The following HAL variants were observed in gnomAD, a reference collection of about 807,000 sequenced individuals.
The protein encoded by HAL is histidase.
HAL carries 85 observed loss-of-function variants against 81.1 expected under a neutral mutation model. The observed-to-expected ratio is 1.05, with a 90% CI of 0.88 to 1.25. HAL has a LOEUF of 1.25. HAL is among the 50% of genes most tolerant of loss of function. The pLI is 0.00. For synonymous variants in HAL, 301 were observed against 309.2 expected, an observed-to-expected ratio of 0.97 and a Z score of 0.28; for missense variants, 798 against 836.6, an observed-to-expected ratio of 0.95 and a Z score of 0.57.
chr12:95,985,392 G>A (rs1218649337), intron 14 of HAL, among the ~76,000 whole-genome samples: 3 of 151,998 alleles, frequency 2.0e-5, no homozygotes, highest in Admixed American at 2.0e-4. Context: ...TCAGGGGTTC[G>A]AGACCAGCTT....
At position 95,986,513 on chromosome 12, in the gene HAL, A is replaced by G. The variant is rs528174706; in HGVS notation, c.1052-353T>C. Among the ~76,000 whole-genome samples the G allele has an allele frequency of 5.3e-5, 8 of 152,294 alleles. No homozygotes were observed. In the East Asian group the frequency reaches 5.8e-4, roughly 11 times the overall value. On this transcript the variant is annotated intron_variant, in intron 12 of 20. Coordinates refer to ENST00000261208, the MANE Select transcript of HAL (RefSeq NM_002108.4). ...TACTTTAAATATCTGAGAGCAAACT[A>G]TATGTTGAGACCACTGGGAATTCCA...
chr12:95,995,751 G>T lies in HAL; in HGVS notation c.160C>A (p.Leu54Ile). Residue 54 changes from leucine to isoleucine, a missense_variant, in exon 2 of 21, where the codon CTT becomes ATT. Physicochemically the swap from Leu to Ile is conservative, Grantham distance 5. Coordinates refer to ENST00000261208, the MANE Select transcript of HAL (RefSeq NM_002108.4). ...CCCAGGCCCTTGCACCGGCGCACAAGGAAGTGCGCGTCATCCACGGAGGTG... is the reference window on the plus strand; with the variant it reads ...CCCAGGCCCTTGCACCGGCGCACAATGAAGTGCGCGTCATCCACGGAGGTG... ...GFTSVDDAHF[L>I]VRRCKGLGLL... 1 of 1,613,614 alleles carries T rather than the reference G, an allele frequency of 6.2e-7. No homozygotes were observed. Among genetic ancestry groups the T allele is most frequent in the Non-Finnish European group, 8.5e-7 (1 of 1,179,902 alleles).
chr12:95,980,625 C>G lies in HAL; in HGVS notation c.1450G>C (p.Ala484Pro). 6.2e-7 allele frequency: 1 copy of G among 1,614,046 alleles called. No individual in the cohort carries two copies. The highest frequency in any genetic ancestry group is 8.5e-7 in the Non-Finnish European group (1 of 1,179,902). ...AGACCACCTTCAGCCACCAGGAAGG[C>G]AGGCAGCTCACTGAGGGAGGGATTG... ...LCNPSLSELP[A>P]FLVAEGGLNS... Residue 484 changes from alanine (A) to proline (P), a missense_variant, in exon 17 of 21, where the codon GCC becomes CCC. By Grantham distance (27) the Ala-to-Pro change is conservative. Transcript: ENST00000261208.
chr12:95,986,960 C>T (rs774000706), intron 12 of HAL, 107 bp downstream of exon 12: 342 of 968,574 alleles, frequency 3.5e-4, no homozygotes, highest in Non-Finnish European at 5.4e-4. Context: ...GGGTTTTCTC[C>T]TTCCCTACTA....
chr12:95,993,890 TA>T, intron 6 of HAL, 35 bp downstream of exon 6: 1 of 1,487,628 alleles, frequency 6.7e-7, no homozygotes, highest in Non-Finnish European at 9.4e-7. Context: ...TTTGTTTGTT[TA>T]TAAAAATATT....
chr12:95,992,069 A>G (rs1275038119), intron 9 of HAL, among the ~76,000 whole-genome samples: 1 of 152,200 alleles, frequency 6.6e-6, no homozygotes, highest in Non-Finnish European at 1.5e-5. Flanking sequence ...AGAAGGGACA[A>G]TACCTCCAAT....
intron 20 of HAL, among the ~76,000 whole-genome samples, chr12:95,974,666 C>T (rs1194473681): frequency 6.6e-6 from 1 of 152,180 alleles, no homozygotes; most frequent in Non-Finnish European, 1.5e-5. Context: ...CCAGAGAATT[C>T]AGTGTGGATA....
At chr12:95,991,653 G>T (rs1320059393) in intron 9 of HAL, among the ~76,000 whole-genome samples, 1 of 152,174 alleles carries the variant, frequency 6.6e-6, no homozygotes, top group African/African-American at 2.4e-5. Flanking sequence ...TGTCAGTCGG[G>T]TATGGCAGTG....
intron 11 of HAL, among the ~76,000 whole-genome samples, chr12:95,987,610 G>A (rs1019445267): frequency 2.0e-5 from 3 of 152,192 alleles, no homozygotes; most frequent in African/African-American, 4.8e-5. Flanking sequence ...AGCATTCTAA[G>A]GAATTTGGGC....
Position 95,976,518 on chromosome 12 carries a change from G to T in HAL, c.1764-20C>A, listed in dbSNP as rs182202910. On this transcript the variant is annotated intron_variant, in intron 19 of 20. Transcript: ENST00000261208. ...CAGGGCCTACAGGGAGAGCACATCC[G>T]CCCATCAGCCAAACATGAAACCCTG... is the stretch of plus-strand genomic sequence containing the variant. 7.4e-5 allele frequency: 120 copies of T among 1,612,254 alleles called. 1 individual carries two copies. In the African/African-American group the frequency reaches 1.5e-3, roughly 20 times the overall value.
In HAL at chr12:95,994,962, G is replaced by A. The variant is rs1229168504; in HGVS notation, c.279C>T (p.Phe93=). The A allele has an allele frequency of 1.9e-6, 3 of 1,612,666 alleles. No individual in the cohort carries two copies. The South Asian group carries it at 3.3e-5, about 18-fold the overall frequency. Residue 93 remains phenylalanine, a synonymous_variant, in exon 3 of 21, where the codon TTC becomes TTT. Transcript: ENST00000261208. ...AAACTCCTTCTGGTTGAGATGGAAT[G>A]AAGTCAGGAGACATGGCATCACCCT... The part of the protein sequence containing the change: ...VIEGDAMSPD[F]IPSQPEGVYL...
chr12:95,994,744 C>G (rs367835887), intron 4 of HAL, 54 bp downstream of exon 4: 16 of 1,566,566 alleles, frequency 1.0e-5, no homozygotes, highest in Non-Finnish European at 1.2e-5. Flanking sequence ...TTTCCTCCCT[C>G]TTAAATAAGG....
Position 95,995,786 on chromosome 12 carries a change from T to C in HAL, c.125A>G (p.Asn42Ser), listed in dbSNP as rs1227690561. 8 of 1,613,480 alleles carry C rather than the reference T, an allele frequency of 5.0e-6. No individual in the cohort carries two copies. Among genetic ancestry groups the C allele is most frequent in the Non-Finnish European group, 6.8e-6 (8 of 1,180,028 alleles). ...VRRYIKNKPD[N>S]GGFTSVDDAH... Reference sequence around the variant, plus strand: ...GTCATCCACGGAGGTGAAGCCACCATTGTCGGGCTTATTCTTGATATAGCG... The same window carrying C: ...GTCATCCACGGAGGTGAAGCCACCACTGTCGGGCTTATTCTTGATATAGCG... The change falls in exon 2 of 21, where the codon AAT becomes AGT. Residue 42 changes from asparagine to serine, a missense_variant. Transcript: ENST00000261208.
At position 95,996,160 on chromosome 12, in the gene HAL, C is replaced by T; in HGVS notation, c.-164G>A. On this transcript the variant is annotated 5_prime_UTR_variant, in exon 1 of 21. Transcript: ENST00000261208. Reference sequence around the variant, plus strand: ...GTGAGCCTCCTGTCCACTTTCCATCCAGACCTGCTGCCAGAAAGGCCTGGG... The same window carrying T: ...GTGAGCCTCCTGTCCACTTTCCATCTAGACCTGCTGCCAGAAAGGCCTGGG... The T allele has an allele frequency of 2.0e-6, 1 of 510,176 alleles. No homozygotes were observed. Among genetic ancestry groups the T allele is most frequent in the Non-Finnish European group, 3.6e-6 (1 of 277,420 alleles). 31.6% of individuals were successfully genotyped at this position (510,176 alleles called of 1,614,324 possible).
Position 95,991,140 on chromosome 12 carries a change from C to A in HAL, c.716-608G>T, listed in dbSNP as rs181062373. ...TAAATAAGAAGAAGGAAGGAGGACA[C>A]TTCTGGATGCAAAGCCCTCAAAATC... On this transcript the variant is annotated intron_variant, in intron 9 of 20. Transcript: ENST00000261208. Among the ~76,000 whole-genome samples the A allele has an allele frequency of 2.1e-3, 313 of 152,250 alleles. 1 individual carries two copies. Among genetic ancestry groups the A allele is most frequent in the African/African-American group, 7.2e-3 (298 of 41,542 alleles).
chr12:95,989,924 T>C (rs1282356288), intron 10 of HAL: 1 of 224,566 alleles, frequency 4.5e-6, no homozygotes, highest in Non-Finnish European at 8.9e-6. Context: ...CAGACACAGA[T>C]GAAGAAAACA....
intron 10 of HAL, 143 bp downstream of exon 10, chr12:95,990,250 T>G (rs1361605389): frequency 3.9e-6 from 3 of 763,370 alleles, no homozygotes; most frequent in Admixed American, 3.7e-5. Context: ...ACTTCTAAGC[T>G]TTCGCTGTCT....
Position 95,976,356 on chromosome 12 carries a change from A to G in HAL, c.1833+73T>C, listed in dbSNP as rs562284639. 4.3e-6 allele frequency: 5 copies of G among 1,157,152 alleles called. No homozygotes were observed. In the South Asian group the frequency reaches 4.9e-5, roughly 11 times the overall value. 71.7% of individuals were successfully genotyped at this position (1,157,152 alleles called of 1,614,324 possible). On this transcript the variant is annotated intron_variant, in intron 20 of 20. Coordinates refer to ENST00000261208, the MANE Select transcript of HAL (RefSeq NM_002108.4). ...GGCCAGAAAACAATAGAATAAGGCA[A>G]TGTTTCTCCATCCCCGACTTTGCTT...
rs145831585 is a variant in HAL at position 95,990,524 on chromosome 12, G to A, written c.724C>T (p.Leu242=). 3.7e-6 allele frequency: 6 copies of A among 1,613,534 alleles called. No individual in the cohort carries two copies. The highest frequency in any genetic ancestry group is 5.1e-6 in the Non-Finnish European group (6 of 1,179,438). Residue 242 remains leucine (L), a synonymous_variant, in exon 10 of 21, where the codon CTG becomes TTG. Transcript: ENST00000261208. ...QVIEMFNASC[L]PYVPEKGTVG... ...GTTCCTTTCTCTGGGACATAGGGCA[G>A]GCAGGAGGCTGGGAGAGAAGTAGGC...
Sources: allele counts gnomAD v4.1 joint callset (sites outside exome capture counted in the v4.1 genomes callset), GRCh38; gene constraint gnomAD v4.1.1; transcripts MANE v1.5; gene names NCBI Gene and HGNC (gene_info 2026-07-23, HGNC 2026-07-21).